Variants in SYN3 observed in about 807,000 individuals in gnomAD.
SYN3 encodes the protein synapsin III, also known as synapsin-3.
A neutral mutation model predicts 65.8 loss-of-function variants in SYN3; 35 were observed. The observed-to-expected ratio is 0.53, with a 90% confidence interval of 0.41 to 0.70. The LOEUF (loss-of-function observed/expected upper bound fraction) is 0.70, where lower values mean the gene tolerates loss of function less well. Among genes scored for constraint, SYN3 ranks in the 30% least tolerant of loss-of-function variants. The probability of loss-of-function intolerance (pLI) is 0.00; values close to 1 mark genes in which losing one functional copy is unlikely to be tolerated. For synonymous variants in SYN3, 270 were observed against 292.9 expected (o/e 0.92, Z 0.80); for missense variants, 680 against 749.0 (o/e 0.91, Z 1.08).
chr22:32,589,340 T>C (rs1244023752), intron 7 of SYN3, among the ~76,000 whole-genome samples: 1 of 152,204 alleles, frequency 6.6e-6, no homozygotes, highest in East Asian at 1.9e-4. Context: ...CATTGGAGGA[T>C]AATGTAAGGG....
intron 1 of SYN3, among the ~76,000 whole-genome samples, chr22:33,025,842 G>C (rs2053634107): frequency 1.3e-5 from 2 of 152,062 alleles, no homozygotes; most frequent in Non-Finnish European, 2.9e-5. Flanking sequence ...CACTGACTTT[G>C]GGTAGTCATG....
At chr22:32,780,375 A>G (rs1265416397) in intron 6 of SYN3, among the ~76,000 whole-genome samples, 1 of 152,180 alleles carries the variant, frequency 6.6e-6, no homozygotes, top group Non-Finnish European at 1.5e-5. Context: ...AGATGGAGAC[A>G]GAGCAGCACC....
At chr22:32,583,140 A>C (rs1199299130) in intron 7 of SYN3, among the ~76,000 whole-genome samples, 2 of 152,112 alleles carry the variant, frequency 1.3e-5, no homozygotes, top group African/African-American at 4.8e-5. Context: ...AGATGTTTGT[A>C]TTTTAGAAAG....
chr22:32,509,579 A>ATTG lies in SYN3; in HGVS notation c.*4112_*4113insCAA, dbSNP rs1184416093. Among the ~76,000 whole-genome samples, 1 of 151,654 alleles carries ATTG rather than the reference A, an allele frequency of 6.6e-6. No individual in the cohort carries two copies. Among genetic ancestry groups the ATTG allele is most frequent in the Admixed American group, 6.6e-5 (1 of 15,228 alleles). On this transcript the variant is annotated 3_prime_UTR_variant, in exon 14 of 14. Transcript: ENST00000358763. The stretch of plus-strand genomic sequence containing the variant: ...GGAAAGTATTATTATTATTATTATT[A>ATTG]TTATTTTGAGACAGAGTCTCACTCT...
In SYN3 at chr22:32,993,693, G is replaced by A. The variant is rs143340366; in HGVS notation, c.311+12659C>T. ...AAGAACTGTATCCAACACAGAGGGTGTAGATGGTGCCTGGGAATCTGAATG... is the reference window on the plus strand; with the variant it reads ...AAGAACTGTATCCAACACAGAGGGTATAGATGGTGCCTGGGAATCTGAATG... On this transcript the variant is annotated intron_variant, in intron 2 of 13. Transcript: ENST00000358763. 3.3e-3 allele frequency among the ~76,000 whole-genome samples: 500 copies of A among 152,156 alleles called. 2 individuals carry two copies. Among genetic ancestry groups the A allele is most frequent in the African/African-American group, 0.011 (466 of 41,448 alleles).
At chr22:32,738,938 G>A (rs1360917737) in intron 6 of SYN3, among the ~76,000 whole-genome samples, 1 of 152,194 alleles carries the variant, frequency 6.6e-6, no homozygotes, top group East Asian at 1.9e-4. Context: ...GCAGATATAA[G>A]CTGAATATTC....
Position 32,538,037 on chromosome 22 carries a change from T to C in SYN3, c.991A>G (p.Arg331Gly). The C allele has an allele frequency of 6.2e-7, 1 of 1,614,022 alleles. No homozygotes were observed. The part of the protein sequence containing the change: ...AMLEQVAMTE[R>G]YRLWVDSCSE... ...CCCTACACCTCCTTTGTCTCTTACC[T>C]CTCTGTCATGGCCACCTGCTCCAGC... Residue 331 changes from arginine to glycine, a missense_variant and splice_region_variant, in exon 9 of 14, where the codon AGG becomes GGG. By Grantham distance (125) the Arg-to-Gly change is moderately radical (BLOSUM62 -2). Transcript: ENST00000358763.
rs372012658 is a variant in SYN3 at position 32,619,837 on chromosome 22, C to T, written c.712-23101G>A. 1.4e-3 allele frequency among the ~76,000 whole-genome samples: 209 copies of T among 152,290 alleles called. 3 individuals are homozygous for T. Among genetic ancestry groups the T allele is most frequent in the African/African-American group, 3.5e-3 (145 of 41,546 alleles). On this transcript the variant is annotated intron_variant, in intron 6 of 13. Coordinates refer to ENST00000358763, the MANE Select transcript of SYN3 (RefSeq NM_003490.4). ...CATGTTTCAGCTCTCTCTGGGACCC[C>T]GTAATCATTTTGTGAACTAGCCTGG...
chr22:32,804,308 A>G (rs1445629691), intron 6 of SYN3, among the ~76,000 whole-genome samples: 2 of 152,152 alleles, frequency 1.3e-5, no homozygotes, highest in Non-Finnish European at 2.9e-5. Context: ...CGCCTTGCAC[A>G]GCACCCTGCT....
intron 4 of SYN3, among the ~76,000 whole-genome samples, chr22:32,909,798 G>T (rs1206218109): frequency 2.0e-5 from 3 of 152,144 alleles, no homozygotes; most frequent in African/African-American, 7.2e-5. Context: ...GCGAGAGACA[G>T]AGCCAGTAGC....
At chr22:32,683,651 T>G (rs2060552568) in intron 6 of SYN3, among the ~76,000 whole-genome samples, 1 of 152,142 alleles carries the variant, frequency 6.6e-6, no homozygotes, top group South Asian at 2.1e-4. Context: ...GTGTTTCTAT[T>G]TTCACATGGC....
At chr22:32,716,521 C>T (rs2061041059) in intron 6 of SYN3, among the ~76,000 whole-genome samples, 1 of 151,938 alleles carries the variant, frequency 6.6e-6, no homozygotes, top group African/African-American at 2.4e-5. Flanking sequence ...CAAATAATAA[C>T]ATAGCTGTTA....
chr22:32,910,894 A>C (rs2050035200), intron 4 of SYN3, among the ~76,000 whole-genome samples: 3 of 152,126 alleles, frequency 2.0e-5, no homozygotes, highest in Admixed American at 2.0e-4. Context: ...TCTATTTCAC[A>C]GGTGAGGAAG....
At chr22:32,869,243 G>A in intron 4 of SYN3, 118 bp from the exon 5 acceptor site, 2 of 1,019,300 alleles carry the variant, frequency 2.0e-6, no homozygotes, top group African/African-American at 1.6e-5. Context: ...TAGTTCAGAA[G>A]TGGGAGCAGG....
At chr22:32,657,929 C>T (rs2060164654) in intron 6 of SYN3, among the ~76,000 whole-genome samples, 1 of 152,214 alleles carries the variant, frequency 6.6e-6, no homozygotes, top group African/African-American at 2.4e-5. Flanking sequence ...CTTTCCCCTC[C>T]TGTCTTCCTA....
At chr22:32,755,614 G>A (rs1319447250) in intron 6 of SYN3, among the ~76,000 whole-genome samples, 1 of 152,072 alleles carries the variant, frequency 6.6e-6, no homozygotes, top group African/African-American at 2.4e-5. Flanking sequence ...AGGAAATCAT[G>A]CCCCAAGCCT....
chr22:32,581,093 G>A (rs1454867829), intron 7 of SYN3, among the ~76,000 whole-genome samples: 1 of 152,118 alleles, frequency 6.6e-6, no homozygotes, highest in Non-Finnish European at 1.5e-5. Flanking sequence ...TTTCCACTAG[G>A]GACATTTACT....
chr22:32,926,000 C>T (rs1172712754), intron 4 of SYN3, among the ~76,000 whole-genome samples: 1 of 151,728 alleles, frequency 6.6e-6, no homozygotes, highest in Non-Finnish European at 1.5e-5. Flanking sequence ...TACAGGCGCA[C>T]ACCACCACAC....
intron 6 of SYN3, among the ~76,000 whole-genome samples, chr22:32,645,283 C>G (rs5749477): frequency 0.36 from 54,814 of 151,568 alleles, 11,419 homozygotes; most frequent in East Asian, 0.89. Context: ...GAAACCCCGT[C>G]TCTACTACAA....
Sources: gnomAD v4.1 joint callset for allele counts (sites outside exome capture counted in the v4.1 genomes callset) on GRCh38, gnomAD v4.1.1 for gene constraint, MANE v1.5 for transcripts, NCBI Gene and HGNC (gene_info 2026-07-23, HGNC 2026-07-21) for gene names.